Variants in PCDHGA4 observed in about 807,000 individuals in gnomAD.
The protein encoded by PCDHGA4 is protocadherin gamma-A4.
A neutral mutation model predicts 54.6 loss-of-function variants in PCDHGA4; 38 were observed. The ratio of observed to expected loss-of-function variants is 0.70; its 90% confidence interval spans 0.54 to 0.91. The LOEUF (loss-of-function observed/expected upper bound fraction) is 0.91. Among genes scored for constraint, PCDHGA4 ranks in the 40% least tolerant of loss-of-function variants. The pLI is 0.00. For missense variants in PCDHGA4, 1,298 were observed against 1,220.9 expected (o/e 1.06, Z -0.94); for synonymous variants, 511 against 512.9 (o/e 1.00, Z 0.05).
intron 1 of PCDHGA4, among the ~76,000 whole-genome samples, chr5:141,481,105 T>C (rs1357970765): frequency 6.6e-6 from 1 of 152,188 alleles, no homozygotes; most frequent in Non-Finnish European, 1.5e-5. Flanking sequence ...CTCTGGAACC[T>C]ACCAATCCAT....
chr5:141,380,978 A>C (rs1244318995), intron 1 of PCDHGA4, among the ~76,000 whole-genome samples: 1 of 152,254 alleles, frequency 6.6e-6, no homozygotes, highest in Non-Finnish European at 1.5e-5. Context: ...AAACAAATAG[A>C]ATTTAACTCC....
Position 141,487,613 on chromosome 5 carries a change from G to C in PCDHGA4, c.2515-7194G>C, listed in dbSNP as rs1460090760. 1 of 1,614,218 alleles carries C rather than the reference G, an allele frequency of 6.2e-7. No homozygotes were observed. ...ACCCTCTGATCTTCTCTATGGGCTA[G>C]AGGTGAGACCTTTGCAGGCTCAACA... On this transcript the variant is annotated intron_variant, in intron 1 of 3. Coordinates refer to ENST00000571252, the MANE Select transcript of PCDHGA4 (RefSeq NM_018917.4). The surrounding 1 kb of genome is among the most constrained non-coding windows in gnomAD (Gnocchi z 5.0).
At chr5:141,359,102 A>G (rs1459397500) in intron 1 of PCDHGA4, among the ~76,000 whole-genome samples, 6 of 152,232 alleles carry the variant, frequency 3.9e-5, no homozygotes, top group Non-Finnish European at 8.8e-5. Context: ...ATGGTTTTGT[A>G]TTCATAGAAA....
At position 141,473,299 on chromosome 5, in the gene PCDHGA4, G is replaced by A. The variant is rs182316672; in HGVS notation, c.2515-21508G>A. The stretch of plus-strand genomic sequence containing the variant: ...TATTTTACTATGTCAGTAGCATAAA[G>A]ATTGCTATATTAATAAGCATTAAGT... On this transcript the variant is annotated intron_variant, in intron 1 of 3. Coordinates refer to ENST00000571252, the MANE Select transcript of PCDHGA4 (RefSeq NM_018917.4). 5.6e-4 allele frequency among the ~76,000 whole-genome samples: 86 copies of A among 152,346 alleles called. 1 individual carries two copies. The highest frequency in any genetic ancestry group is 1.9e-3 in the African/African-American group (81 of 41,572).
At chr5:141,399,497 T>C in intron 1 of PCDHGA4, 1 of 1,614,030 alleles carries the variant, frequency 6.2e-7, no homozygotes, top group Non-Finnish European at 8.5e-7. Flanking sequence ...TTAGTCAGTG[T>C]ACCCGAAAAC....
intron 3 of PCDHGA4, among the ~76,000 whole-genome samples, chr5:141,509,781 T>TCATC (rs1198131164): frequency 6.6e-6 from 1 of 152,116 alleles, no homozygotes; most frequent in Non-Finnish European, 1.5e-5. Flanking sequence ...GTCCCCGAGA[T>TCATC]CATCATCTCC....
intron 1 of PCDHGA4, among the ~76,000 whole-genome samples, chr5:141,469,029 C>A (rs2099189188): frequency 6.6e-6 from 1 of 152,052 alleles, no homozygotes; most frequent in Non-Finnish European, 1.5e-5. Flanking sequence ...GTAATCCCAG[C>A]ACTTTGGGAG....
intron 1 of PCDHGA4, among the ~76,000 whole-genome samples, chr5:141,436,793 C>A (rs752376420): frequency 6.6e-6 from 1 of 152,178 alleles, no homozygotes; most frequent in Non-Finnish European, 1.5e-5. Context: ...TAAAACTGTT[C>A]TAAAATTTTT....
At chr5:141,383,473 C>G (rs764928203) in intron 1 of PCDHGA4, 2 of 1,613,686 alleles carry the variant, frequency 1.2e-6, no homozygotes, top group South Asian at 1.1e-5. Flanking sequence ...AACTAAGTAC[C>G]CGGAACTGGT....
chr5:141,410,031 AG>A lies in PCDHGA4; in HGVS notation c.2514+52412del, dbSNP rs1303415196. ...GCCTGGCTGTCCTACCACGTGCTGCAGGCCAGTGAGCCCGGACTCTTCAGCC... is the reference window on the plus strand; with the variant it reads ...GCCTGGCTGTCCTACCACGTGCTGCAGCCAGTGAGCCCGGACTCTTCAGCC... On this transcript the variant is annotated intron_variant, in intron 1 of 3. Coordinates refer to ENST00000571252, the MANE Select transcript of PCDHGA4 (RefSeq NM_018917.4). 3.1e-6 allele frequency: 5 copies of A among 1,613,236 alleles called. No homozygotes were observed. In the South Asian group the frequency reaches 5.5e-5, roughly 18 times the overall value.
chr5:141,367,756 T>A (rs1485436627), intron 1 of PCDHGA4: 1 of 152,192 alleles, frequency 6.6e-6, no homozygotes, highest in Non-Finnish European at 1.5e-5. Flanking sequence ...TACATACTGC[T>A]GCACTCAATA....
At position 141,355,240 on chromosome 5, in the gene PCDHGA4, C is replaced by T. The variant is rs199669967; in HGVS notation, c.133C>T (p.Leu45Phe). 284 of 1,612,752 alleles carry T rather than the reference C, an allele frequency of 1.8e-4. 1 individual carries two copies. The highest frequency in any genetic ancestry group is 7.2e-4 in the Admixed American group (43 of 59,992). ...TGCTCGCCCAGACCACACCCGGCTG[C>T]TCCAGATCTGCCTTCTCCTGGGGGT... ...PPARPDHTRL[L>F]QICLLLGVLV... The change falls in exon 1 of 4, where the codon CTC (leucine) becomes TTC (phenylalanine). Residue 45 changes from leucine to phenylalanine, a missense_variant. By Grantham distance (22) the Leu-to-Phe change is conservative (BLOSUM62 0). Transcript: ENST00000571252.
At position 141,491,919 on chromosome 5, in the gene PCDHGA4, C is replaced by A. The variant is rs1177043977; in HGVS notation, c.2515-2888C>A. 1.5e-6 allele frequency: 2 copies of A among 1,361,778 alleles called. No homozygotes were observed. Among genetic ancestry groups the A allele is most frequent in the South Asian group, 1.6e-5 (1 of 64,218 alleles). 84.4% of individuals were successfully genotyped at this position (1,361,778 alleles called of 1,614,324 possible). A position where few individuals can be genotyped will look rare whatever the true frequency, so the allele number is the denominator to read the frequency against. On this transcript the variant is annotated intron_variant, in intron 1 of 3. Coordinates refer to ENST00000571252, the MANE Select transcript of PCDHGA4 (RefSeq NM_018917.4). The surrounding 1 kb of genome is among the most constrained non-coding windows in gnomAD (Gnocchi z 6.9). ...CACCGGGGGTGGTGGCGACTGTGGGCGAGGGGAGGTGGGACCGACCCCCAC... is the reference window on the plus strand; with the variant it reads ...CACCGGGGGTGGTGGCGACTGTGGGAGAGGGGAGGTGGGACCGACCCCCAC...
Position 141,357,406 on chromosome 5 carries a change from C to T in PCDHGA4, c.2299C>T (p.Pro767Ser). 2 of 1,614,232 alleles carry T rather than the reference C, an allele frequency of 1.2e-6. No homozygotes were observed. Among genetic ancestry groups the T allele is most frequent in the Non-Finnish European group, 1.7e-6 (2 of 1,180,038 alleles). The change falls in exon 1 of 4, where the codon CCT becomes TCT. Residue 767 changes from proline to serine, a missense_variant. By Grantham distance (74) the Pro-to-Ser change is moderately conservative. Coordinates refer to ENST00000571252, the MANE Select transcript of PCDHGA4 (RefSeq NM_018917.4). The stretch of plus-strand genomic sequence containing the variant: ...TGAAGGCAGCAGGTTGGCAGGTGTG[C>T]CTGCCTCGCACTTTGTGGGCGTGGA... ...HAEGSRLAGVPASHFVGVDGV... is the reference protein window; with the variant it reads ...HAEGSRLAGVSASHFVGVDGV...
chr5:141,361,931 G>A, intron 1 of PCDHGA4: 3 of 1,606,902 alleles, frequency 1.9e-6, no homozygotes, highest in Non-Finnish European at 2.5e-6. Context: ...GCAGACTCAG[G>A]ACACAACGCT....
In PCDHGA4 at chr5:141,476,331, C is replaced by T; in HGVS notation, c.2515-18476C>T. On this transcript the variant is annotated intron_variant, in intron 1 of 3. Transcript: ENST00000571252. This position sits in a 1 kb window ranked among gnomAD's most constrained non-coding sequence, Gnocchi z 7.6. Reference sequence around the variant, plus strand: ...CGCAGGTTCCGGGTGGTGTCTGGAGCTAGCCGAAGATTCTTTGAGGTGAAC... The same window carrying T: ...CGCAGGTTCCGGGTGGTGTCTGGAGTTAGCCGAAGATTCTTTGAGGTGAAC... 1.2e-6 allele frequency: 2 copies of T among 1,614,156 alleles called. No individual in the cohort carries two copies. Among genetic ancestry groups the T allele is most frequent in the Non-Finnish European group, 1.7e-6 (2 of 1,180,042 alleles).
intron 1 of PCDHGA4, among the ~76,000 whole-genome samples, chr5:141,479,909 A>G (rs2099509651): frequency 6.6e-6 from 1 of 152,160 alleles, no homozygotes; most frequent in South Asian, 2.1e-4. Context: ...AAACACTGTT[A>G]TTTTGTTACT....
intron 1 of PCDHGA4, chr5:141,419,303 G>A (rs1561779463): frequency 1.2e-6 from 2 of 1,613,970 alleles, no homozygotes; most frequent in Non-Finnish European, 1.7e-6. Flanking sequence ...CCCAGACTTC[G>A]GGCTCAACGG....
chr5:141,450,755 G>A (rs556795021), intron 1 of PCDHGA4, among the ~76,000 whole-genome samples: 8 of 152,040 alleles, frequency 5.3e-5, no homozygotes, highest in Admixed American at 1.3e-4. Context: ...CCAAAGTGCC[G>A]GGATTACAGG....
Sources: gnomAD v4.1 joint callset for allele counts (sites outside exome capture counted in the v4.1 genomes callset) on GRCh38, gnomAD v4.1.1 for gene constraint, Gnocchi (gnomAD v3.1) non-coding constraint, MANE v1.5 for transcripts, NCBI Gene and HGNC (gene_info 2026-07-23, HGNC 2026-07-21) for gene names.